Variants in STAG2 observed in about 807,000 individuals in gnomAD.
STAG2 encodes STAG2 cohesin complex component.
Under a neutral mutation model 108.1 loss-of-function variants are expected in STAG2, and 14 were observed. The ratio of observed to expected loss-of-function variants is 0.13; its 90% CI spans 0.09 to 0.20. The LOEUF (loss-of-function observed/expected upper bound fraction) is 0.20. STAG2 is among the 10% of genes least tolerant of loss of function. The pLI is 1.00. For missense variants in STAG2, 440 were observed against 940.9 expected, an observed-to-expected ratio of 0.47 and a Z score of 6.96; for synonymous variants, 307 against 302.7, an observed-to-expected ratio of 1.01 and a Z score of -0.15.
chrX:124,024,563 G>GCCACAACCTT (rs2057035316), intron 3 of STAG2, among the ~76,000 whole-genome samples: 1 of 110,830 alleles, frequency 9.0e-6, no homozygotes, highest in African/African-American at 3.3e-5. Flanking sequence ...AGTTAGGATT[G>GCCACAACCTT]CCACCACCTT....
intron 6 of STAG2, 23 bp downstream of exon 6, chrX:124,037,646 T>A (rs772794159): frequency 9.8e-7 from 1 of 1,024,019 alleles, no homozygotes; most frequent in Admixed American, 2.4e-5. Flanking sequence ...TATTTTGAAA[T>A]CAGCAGCTCT....
At chrX:123,978,155 T>C (rs2054714354) in intron 1 of STAG2, among the ~76,000 whole-genome samples, 1 of 68,366 alleles carries the variant, frequency 1.5e-5, no homozygotes, top group African/African-American at 4.7e-5. Context: ...TACTGAGTTC[T>C]TTTTTTTTTT....
chrX:123,963,604 TTAAA>T (rs1311234675), intron 1 of STAG2, among the ~76,000 whole-genome samples: 2 of 103,616 alleles, frequency 1.9e-5, no homozygotes, highest in Non-Finnish European at 3.9e-5. Flanking sequence ...ACACATTATG[TTAAA>T]TAGTCGATTT....
intron 1 of STAG2, among the ~76,000 whole-genome samples, chrX:123,974,846 G>A (rs751950531): frequency 3.3e-4 from 37 of 111,368 alleles, no homozygotes; most frequent in Non-Finnish European, 5.7e-4. Flanking sequence ...CAAAGTGCTG[G>A]GATTACAGGC....
chrX:124,019,074 T>TA (rs1308250997), intron 1 of STAG2, among the ~76,000 whole-genome samples: 8 of 100,985 alleles, frequency 7.9e-5, no homozygotes, highest in South Asian at 4.8e-4. Flanking sequence ...TTTTTTTTTT[T>TA]ATTTAAGATG....
chrX:124,044,847 T>A (rs1349048452), intron 7 of STAG2, among the ~76,000 whole-genome samples: 2 of 112,028 alleles, frequency 1.8e-5, no homozygotes, highest in Non-Finnish European at 3.8e-5. Context: ...TGCTTTTGCT[T>A]TATATCTGTG....
At chrX:123,964,250 CAAAA>C (rs55860920) in intron 1 of STAG2, among the ~76,000 whole-genome samples, 1 of 83,135 alleles carries the variant, frequency 1.2e-5, no homozygotes, top group East Asian at 3.6e-4. Flanking sequence ...GCAAAACTTT[CAAAA>C]AAAAAAAAAC....
rs113204830 is a variant in STAG2 at position 124,016,958 on chromosome X, A to G, written c.-162-4409A>G. Reference sequence around the variant, plus strand: ...TTTCCTGGATGTGATCCTTACATATAGAAGTATGTGACCCTTTTGGGAGGA... The same window carrying G: ...TTTCCTGGATGTGATCCTTACATATGGAAGTATGTGACCCTTTTGGGAGGA... On this transcript the variant is annotated intron_variant, in intron 1 of 34. Transcript: ENST00000371145. 5.2e-3 allele frequency among the ~76,000 whole-genome samples: 581 copies of G among 111,584 alleles called. 3 individuals are homozygous for G. The highest frequency in any genetic ancestry group is 0.018 in the African/African-American group (545 of 30,721).
At chrX:124,021,556 CCTTT>C (rs1408253309) in intron 2 of STAG2, 125 bp downstream of exon 2, 2 of 111,536 alleles carry the variant, frequency 1.8e-5, no homozygotes, top group Admixed American at 9.6e-5. Flanking sequence ...GACATAATAC[CCTTT>C]CTGTCTGCCA....
At chrX:124,022,257 G>A (rs1367078197) in intron 2 of STAG2, among the ~76,000 whole-genome samples, 1 of 110,088 alleles carries the variant, frequency 9.1e-6, no homozygotes. Flanking sequence ...TGTAATCTCA[G>A]CTACTCGGGA....
intron 10 of STAG2, among the ~76,000 whole-genome samples, chrX:124,049,780 A>G (rs762189725): frequency 4.5e-5 from 5 of 112,068 alleles, no homozygotes; most frequent in Admixed American, 9.5e-5. Flanking sequence ...ATTTAAAATC[A>G]TTTATTCTAA....
At chrX:124,084,770 TAAAAC>T (rs935888739) in intron 29 of STAG2, among the ~76,000 whole-genome samples, 2 of 112,511 alleles carry the variant, frequency 1.8e-5, no homozygotes, top group African/African-American at 6.5e-5. Flanking sequence ...AAATAAAAAT[TAAAAC>T]AAATACCATT....
At chrX:124,043,749 A>G (rs915001395) in intron 7 of STAG2, among the ~76,000 whole-genome samples, 1 of 111,726 alleles carries the variant, frequency 9.0e-6, no homozygotes, top group African/African-American at 3.3e-5. Context: ...TAAGAACAAC[A>G]AAGATTACAT....
intron 1 of STAG2, among the ~76,000 whole-genome samples, chrX:123,982,883 CCTAT>C (rs1415451885): frequency 2.8e-5 from 3 of 108,919 alleles, no homozygotes; most frequent in Non-Finnish European, 5.7e-5. Context: ...TATCTTTTTC[CCTAT>C]CTAATTGTGT....
intron 29 of STAG2, among the ~76,000 whole-genome samples, chrX:124,084,631 T>C (rs2059053687): frequency 8.9e-6 from 1 of 111,999 alleles, no homozygotes; most frequent in Non-Finnish European, 1.9e-5. Context: ...TTCTGTATCT[T>C]GTTAGGTATG....
intron 1 of STAG2, among the ~76,000 whole-genome samples, chrX:123,975,410 A>G (rs1283685957): frequency 1.8e-5 from 2 of 112,162 alleles, no homozygotes; most frequent in African/African-American, 3.2e-5. Context: ...GCATGAAGGT[A>G]TGTTTTTGAA....
chrX:124,097,120 A>C (rs1296360469), intron 34 of STAG2, among the ~76,000 whole-genome samples: 1 of 95,179 alleles, frequency 1.1e-5, no homozygotes, highest in Admixed American at 1.4e-4. Context: ...TTGAGGCTGC[A>C]GTGAGCTGTG....
At chrX:124,088,615 CTTT>C (rs35629422) in intron 30 of STAG2, among the ~76,000 whole-genome samples, 199 of 82,236 alleles carry the variant, frequency 2.4e-3, no homozygotes, top group Non-Finnish European at 3.9e-3. Context: ...TATGTATAAT[CTTT>C]TTTTTTTTTT....
intron 1 of STAG2, among the ~76,000 whole-genome samples, chrX:124,009,392 CAGGTAGGTAGGT>C (rs748240892): frequency 0.03 from 2,748 of 90,489 alleles, 46 homozygotes; most frequent in Non-Finnish European, 0.043. Context: ...GTAATCTAAC[CAGGTAGGTAGGT>C]AGGTAGGTAG....
Sources: gnomAD v4.1 joint callset for allele counts (sites outside exome capture counted in the v4.1 genomes callset) on GRCh38, gnomAD v4.1.1 for gene constraint, MANE v1.5 for transcripts, NCBI Gene and HGNC (gene_info 2026-07-23, HGNC 2026-07-21) for gene names.